The following MAN1C1 variants were observed in gnomAD, a reference collection of about 807,000 sequenced individuals.
The protein encoded by MAN1C1 is mannosidase alpha class 1C member 1.
In MAN1C1, 49 loss-of-function variants were observed where a neutral mutation model predicts 71.5. That is an observed-to-expected ratio of 0.69 (90% CI 0.54 to 0.87). MAN1C1 has a LOEUF of 0.87. Among genes scored for constraint, MAN1C1 ranks in the 40% least tolerant of loss-of-function variants. The pLI, the probability that MAN1C1 is intolerant of heterozygous loss-of-function variation, is 0.00. For synonymous variants in MAN1C1, 352 were observed against 343.7 expected, an observed-to-expected ratio of 1.02 and a Z score of -0.27; for missense variants, 743 against 835.0, an observed-to-expected ratio of 0.89 and a Z score of 1.36.
In MAN1C1 at chr1:25,617,227, C is replaced by T. The variant is rs1301595804; in HGVS notation, c.-571C>T. On this transcript the variant is annotated 5_prime_UTR_variant, in exon 1 of 12. Coordinates refer to ENST00000374332, the MANE Select transcript of MAN1C1 (RefSeq NM_020379.4). This position sits in a 1 kb window ranked among gnomAD's most constrained non-coding sequence, Gnocchi z 5.1. ...GTGGACGTGTCCCGATAGTCGAGCC[C>T]GGGCGCTGTCGCGACCGGGCCGGGT... 6.6e-6 allele frequency among the ~76,000 whole-genome samples: 1 copy of T among 151,436 alleles called. No individual in the cohort carries two copies. The highest frequency in any genetic ancestry group is 2.4e-5 in the African/African-American group (1 of 41,298).
intron 2 of MAN1C1, among the ~76,000 whole-genome samples, chr1:25,702,116 C>T (rs916413682): frequency 1.3e-5 from 2 of 152,118 alleles, no homozygotes; most frequent in African/African-American, 4.8e-5. Context: ...ATCCCCCAAA[C>T]CAAGAAGGAT....
intron 2 of MAN1C1, among the ~76,000 whole-genome samples, chr1:25,744,195 G>A (rs1450761422): frequency 1.3e-5 from 2 of 152,156 alleles, no homozygotes; most frequent in African/African-American, 2.4e-5. Context: ...TGCTGGGCAC[G>A]ATCTGCTTTG....
At chr1:25,705,290 T>C (rs1449479786) in intron 2 of MAN1C1, among the ~76,000 whole-genome samples, 1 of 152,214 alleles carries the variant, frequency 6.6e-6, no homozygotes, top group Non-Finnish European at 1.5e-5. Context: ...AGAGAAGATA[T>C]GTATTTCTGC....
chr1:25,728,210 G>A (rs1557781933), intron 2 of MAN1C1, among the ~76,000 whole-genome samples: 2 of 152,294 alleles, frequency 1.3e-5, no homozygotes, highest in South Asian at 2.1e-4. Flanking sequence ...CCCCTGCTGC[G>A]AGCTTCTCCG....
Position 25,776,000 on chromosome 1 carries a change from C to T in MAN1C1, c.1258-2105C>T, listed in dbSNP as rs1188317343. ...CTCCTGGATTCAAGTGATTCTCCCA[C>T]CTCAGCCTCCCAAGTAGCTGGGACT... On this transcript the variant is annotated intron_variant, in intron 8 of 11. Coordinates refer to ENST00000374332, the MANE Select transcript of MAN1C1 (RefSeq NM_020379.4). This position sits in a 1 kb window ranked among gnomAD's most constrained non-coding sequence, Gnocchi z 5.1. 3 of 152,226 alleles carry T rather than the reference C, an allele frequency of 2.0e-5. No individual in the cohort carries two copies. Among genetic ancestry groups the T allele is most frequent in the Non-Finnish European group, 2.9e-5 (2 of 68,098 alleles). The allele number at this position is 152,226 out of a possible 1,614,324, so 9.4% of individuals were successfully genotyped here. A position where few individuals can be genotyped will look rare whatever the true frequency, so the allele number is the denominator to read the frequency against.
Position 25,725,462 on chromosome 1 carries a change from G to A in MAN1C1, c.638-21206G>A, listed in dbSNP as rs1039206154. On this transcript the variant is annotated intron_variant, in intron 2 of 11. Coordinates refer to ENST00000374332, the MANE Select transcript of MAN1C1 (RefSeq NM_020379.4). The surrounding 1 kb of genome is among the most constrained non-coding windows in gnomAD (Gnocchi z 4.8). The stretch of plus-strand genomic sequence containing the variant: ...CTGGGAACTTCACAGAGCAGGTTAC[G>A]TTGAGCTGGGCTTTGAAGAATAAGC... Among the ~76,000 whole-genome samples the A allele has an allele frequency of 3.9e-5, 6 of 152,242 alleles. No individual in the cohort carries two copies. The highest frequency in any genetic ancestry group is 3.8e-4 in the East Asian group (2 of 5,204).
intron 1 of MAN1C1, among the ~76,000 whole-genome samples, chr1:25,650,783 C>A: frequency 6.6e-6 from 1 of 152,120 alleles, no homozygotes; most frequent in Admixed American, 6.5e-5. Context: ...TTGGCTTGTG[C>A]AAGTAAATAT....
rs74060830 is a variant in MAN1C1, at chr1:25,780,585, G to A, written c.1478-355G>A. 318 of 186,420 alleles carry A rather than the reference G, an allele frequency of 1.7e-3. 2 individuals are homozygous for A. Among genetic ancestry groups the A allele is most frequent in the African/African-American group, 6.6e-3 (283 of 42,808 alleles). The allele number at this position is 186,420 out of a possible 1,614,324, so 11.5% of individuals were successfully genotyped here. On this transcript the variant is annotated intron_variant, in intron 9 of 11. Coordinates refer to ENST00000374332, the MANE Select transcript of MAN1C1 (RefSeq NM_020379.4). ...ATGTGTTGAAACCCGAAACCCTCTT[G>A]GCTGAGGTCTGGCTAACCTCTTGCA...
chr1:25,620,773 G>A (rs1487998755), intron 1 of MAN1C1, among the ~76,000 whole-genome samples: 1 of 152,174 alleles, frequency 6.6e-6, no homozygotes, highest in African/African-American at 2.4e-5. Flanking sequence ...TGATAAATGA[G>A]CATGAATGAA....
intron 2 of MAN1C1, among the ~76,000 whole-genome samples, chr1:25,741,631 G>C (rs947308749): frequency 1.3e-5 from 2 of 152,172 alleles, no homozygotes; most frequent in African/African-American, 4.8e-5. Flanking sequence ...GATGAGAATG[G>C]GGGGAGGTGG....
Position 25,618,092 on chromosome 1 carries a change from T to G in MAN1C1, c.295T>G (p.Trp99Gly), listed in dbSNP as rs1302086790. The G allele has an allele frequency of 2.6e-6, 4 of 1,518,604 alleles. No individual in the cohort carries two copies. The highest frequency in any genetic ancestry group is 2.1e-5 in the Admixed American group (1 of 47,304). 94.1% of individuals were successfully genotyped at this position (1,518,604 alleles called of 1,614,324 possible). A position where few individuals can be genotyped will look rare whatever the true frequency, so the allele number is the denominator to read the frequency against. The change falls in exon 1 of 12, where the codon TGG becomes GGG. Residue 99 changes from tryptophan to glycine, a missense_variant. By Grantham distance (184) the Trp-to-Gly change is radical. Transcript: ENST00000374332. ...CCCGGGCGAGGATGACCCCAGCAGC[T>G]GGGCCAGTCCCCGCCGCAGGAAAGG... Reference protein sequence around the residue: ...PAPGEDDPSSWASPRRRKGGL... With the variant: ...PAPGEDDPSSGASPRRRKGGL...
intron 2 of MAN1C1, among the ~76,000 whole-genome samples, chr1:25,731,336 G>GTCA (rs61554526): frequency 0.096 from 14,511 of 150,600 alleles, 1,070 homozygotes; most frequent in African/African-American, 0.21. Context: ...CATCATCATC[G>GTCA]TCATCATCAT....
At chr1:25,708,716 C>T (rs1168726481) in intron 2 of MAN1C1, among the ~76,000 whole-genome samples, 2 of 152,146 alleles carry the variant, frequency 1.3e-5, no homozygotes, top group East Asian at 1.9e-4. Flanking sequence ...GAAATCCTGT[C>T]TCTACTGAAA....
rs1427028368 is a variant in MAN1C1, at chr1:25,782,643, G to A, written c.1709G>A (p.Ser570Asn). 6.2e-7 allele frequency: 1 copy of A among 1,614,010 alleles called. No individual in the cohort carries two copies. Among genetic ancestry groups the A allele is most frequent in the Non-Finnish European group, 8.5e-7 (1 of 1,180,030 alleles). The change falls in exon 11 of 12, where the codon AGT becomes AAT. Residue 570 changes from serine (S) to asparagine (N), a missense_variant. Transcript: ENST00000374332. This position sits in a 1 kb window ranked among gnomAD's most constrained non-coding sequence, Gnocchi z 4.4. ...TTCTCTGGGATCCAAGACGTGTACA[G>A]TAGCACCCCCAACCACGACAACAAG... ...AGFSGIQDVY[S>N]STPNHDNKQQ...
chr1:25,783,572 CA>C, intron 11 of MAN1C1, 90 bp from the exon 12 acceptor site: 1 of 1,448,380 alleles, frequency 6.9e-7, no homozygotes, highest in Non-Finnish European at 9.5e-7. Context: ...AGGCCTATCA[CA>C]AAGGCCCTGA....
At chr1:25,734,694 T>C (rs1572182620) in intron 2 of MAN1C1, among the ~76,000 whole-genome samples, 1 of 152,148 alleles carries the variant, frequency 6.6e-6, no homozygotes, top group Non-Finnish European at 1.5e-5. Context: ...ATAGAGGCAG[T>C]GCAGGGAGGG....
At chr1:25,777,164 T>C (rs1307705522) in intron 8 of MAN1C1, among the ~76,000 whole-genome samples, 1 of 152,048 alleles carries the variant, frequency 6.6e-6, no homozygotes, top group Non-Finnish European at 1.5e-5. Context: ...GATGATATGA[T>C]CCGGTTTGTT....
chr1:25,768,774 C>T (rs1209410057), intron 7 of MAN1C1, among the ~76,000 whole-genome samples: 1 of 146,140 alleles, frequency 6.8e-6, no homozygotes, highest in Non-Finnish European at 1.5e-5. Flanking sequence ...ATCCACACTC[C>T]CCTCACACAT....
At chr1:25,721,931 T>C (rs2046771174) in intron 2 of MAN1C1, among the ~76,000 whole-genome samples, 1 of 152,218 alleles carries the variant, frequency 6.6e-6, no homozygotes, top group Admixed American at 6.5e-5. Context: ...CTTTGTCTCT[T>C]TCTTGGTCAG....
Sources: gnomAD v4.1 joint callset for allele counts (sites outside exome capture counted in the v4.1 genomes callset) on GRCh38, gnomAD v4.1.1 for gene constraint, Gnocchi (gnomAD v3.1) non-coding constraint, MANE v1.5 for transcripts, NCBI Gene and HGNC (gene_info 2026-07-23, HGNC 2026-07-21) for gene names.